Variants in CEACAM5 observed in about 807,000 individuals in gnomAD.
CEACAM5 encodes cell adhesion molecule CEACAM5.
Under a neutral mutation model 63.0 loss-of-function variants are expected in CEACAM5, and 52 were observed. The ratio of observed to expected loss-of-function variants is 0.83; its 90% confidence interval spans 0.66 to 1.04. The LOEUF (loss-of-function observed/expected upper bound fraction) is 1.04. Among genes scored for constraint, CEACAM5 ranks in the 50% least tolerant of loss-of-function variants. The pLI, the probability that CEACAM5 is intolerant of heterozygous loss-of-function variation, is 0.00. For missense variants in CEACAM5, 790 were observed against 864.8 expected (o/e 0.91, Z 1.08); for synonymous variants, 357 against 351.3 (o/e 1.02, Z -0.18).
chr19:41,715,628 G>C (rs1250238419), intron 3 of CEACAM5, 22 bp from the exon 4 acceptor site: 1 of 1,613,554 alleles, frequency 6.2e-7, no homozygotes, highest in Non-Finnish European at 8.5e-7. Flanking sequence ...TATCACCTGT[G>C]GCTTTATTTT....
At position 41,717,444 on chromosome 19, in the gene CEACAM5, T is replaced by C; in HGVS notation, c.959-11T>C. The C allele has an allele frequency of 6.2e-7, 1 of 1,609,434 alleles. No individual in the cohort carries two copies. The highest frequency in any genetic ancestry group is 1.1e-5 in the South Asian group (1 of 90,370). ...CCACACAGGGCAATCTTCTCTCTGT[T>C]ATCTGCACAGCAGAGCCACCCAAAC... On this transcript the variant is annotated splice_polypyrimidine_tract_variant and intron_variant, in intron 4 of 9. Transcript: ENST00000221992.
intron 3 of CEACAM5, 152 bp from the exon 4 acceptor site, chr19:41,715,498 T>G: frequency 8.4e-7 from 1 of 1,187,166 alleles, no homozygotes; most frequent in Non-Finnish European, 1.2e-6. Context: ...CAGGTGAATA[T>G]CTCAGACTCA....
At chr19:41,709,278 A>C (rs1251597518) in intron 1 of CEACAM5, among the ~76,000 whole-genome samples, 1 of 152,154 alleles carries the variant, frequency 6.6e-6, no homozygotes, top group Non-Finnish European at 1.5e-5. Context: ...ACATACAAAG[A>C]GATCTAGAAT....
intron 8 of CEACAM5, among the ~76,000 whole-genome samples, chr19:41,722,903 G>T (rs1188896651): frequency 6.6e-6 from 1 of 151,582 alleles, no homozygotes; most frequent in Non-Finnish European, 1.5e-5. Flanking sequence ...TTGTTTGTTT[G>T]TTTGTTTGTT....
chr19:41,725,410 G>A (rs1184928076), intron 8 of CEACAM5, among the ~76,000 whole-genome samples: 2 of 148,740 alleles, frequency 1.3e-5, no homozygotes, highest in Non-Finnish European at 3.0e-5. Flanking sequence ...CTGTAGCCCA[G>A]CACAAGCTAG....
At chr19:41,711,572 C>G (rs563473806) in intron 2 of CEACAM5, among the ~76,000 whole-genome samples, 1 of 152,158 alleles carries the variant, frequency 6.6e-6, no homozygotes, top group South Asian at 2.1e-4. Context: ...GAAAGCCACC[C>G]TATCTCATGT....
intron 8 of CEACAM5, among the ~76,000 whole-genome samples, chr19:41,723,080 T>A (rs1326075369): frequency 3.3e-5 from 5 of 152,056 alleles, no homozygotes; most frequent in African/African-American, 4.8e-5. Context: ...GCTAATTTTT[T>A]TTTTTTTATT....
chr19:41,720,876 C>G, intron 7 of CEACAM5, 46 bp from the exon 8 acceptor site: 1 of 1,606,022 alleles, frequency 6.2e-7, no homozygotes. Context: ...GGAGCTTCCC[C>G]TTTCCTCTGA....
At chr19:41,716,392 C>G (rs1164901034) in intron 4 of CEACAM5, among the ~76,000 whole-genome samples, 2 of 152,348 alleles carry the variant, frequency 1.3e-5, no homozygotes, top group South Asian at 4.1e-4. Flanking sequence ...TCTGGGCTCC[C>G]CTGGGTGACT....
At chr19:41,723,946 CAAAAAA>C (rs35830094) in intron 8 of CEACAM5, among the ~76,000 whole-genome samples, 48 of 103,868 alleles carry the variant, frequency 4.6e-4, no homozygotes, top group Non-Finnish European at 8.7e-4. Context: ...GAGACTCTGT[CAAAAAA>C]AAAAAAAAAA....
chr19:41,720,090 T>C lies in CEACAM5; in HGVS notation c.1653T>C (p.Asn551=). The change falls in exon 7 of 10, where the codon AAT becomes AAC. Residue 551 remains asparagine (N), a synonymous_variant. Coordinates refer to ENST00000221992, the MANE Select transcript of CEACAM5 (RefSeq NM_004363.6). ...LPVSPRLQLS[N]GNRTLTLFNV... ...TCAGTCCCAGGCTGCAGCTGTCCAA[T>C]GGCAACAGGACCCTCACTCTATTCA... 2 of 1,614,216 alleles carry C rather than the reference T, an allele frequency of 1.2e-6. No individual in the cohort carries two copies. The highest frequency in any genetic ancestry group is 1.7e-6 in the Non-Finnish European group (2 of 1,180,032).
Position 41,715,213 on chromosome 19 carries a change from G to A in CEACAM5, c.667G>A (p.Ala223Thr), listed in dbSNP as rs782583835. 4 of 1,614,234 alleles carry A rather than the reference G, an allele frequency of 2.5e-6. No individual in the cohort carries two copies. Among genetic ancestry groups the A allele is most frequent in the Non-Finnish European group, 3.4e-6 (4 of 1,180,046 alleles). ...YKCETQNPVS[A>T]RRSDSVILNV... ...ATGTGAAACCCAGAACCCAGTGAGT[G>A]CCAGGCGCAGTGATTCAGTCATCCT... Residue 223 changes from alanine (A) to threonine (T), a missense_variant, in exon 3 of 10, where the codon GCC becomes ACC. Coordinates refer to ENST00000221992, the MANE Select transcript of CEACAM5 (RefSeq NM_004363.6).
intron 5 of CEACAM5, 22 bp from the exon 6 acceptor site, chr19:41,718,106 G>T (rs1470874547): frequency 1.9e-6 from 3 of 1,613,116 alleles, no homozygotes; most frequent in African/African-American, 1.3e-5. Context: ...ATTCACCTGT[G>T]GCCCTATTCT....
At chr19:41,718,464 T>A (rs1309080093) in intron 6 of CEACAM5, 82 bp downstream of exon 6, 1 of 1,511,758 alleles carries the variant, frequency 6.6e-7, no homozygotes, top group Non-Finnish European at 9.0e-7. Context: ...GAAGAAATTT[T>A]CTTTCCTAGT....
In CEACAM5 at chr19:41,715,134, C is replaced by T. The variant is rs1440582379; in HGVS notation, c.588C>T (p.Gly196=). The T allele has an allele frequency of 1.3e-5, 21 of 1,614,088 alleles. No individual in the cohort carries two copies. Among genetic ancestry groups the T allele is most frequent in the Non-Finnish European group, 1.7e-5 (20 of 1,180,050 alleles). Residue 196 remains glycine, a synonymous_variant, in exon 3 of 10, where the codon GGC becomes GGT. Transcript: ENST00000221992. Reference sequence around the variant, plus strand: ...GTCCCAGGCTGCAGCTGTCCAATGGCAACAGGACCCTCACTCTATTCAATG... The same window carrying T: ...GTCCCAGGCTGCAGCTGTCCAATGGTAACAGGACCCTCACTCTATTCAATG... ...PVSPRLQLSN[G]NRTLTLFNVT... is the part of the protein sequence containing the mutation.
In CEACAM5 at chr19:41,730,186, C is replaced by G. The variant is rs1009711644; in HGVS notation, c.*1039C>G. 6.6e-6 allele frequency among the ~76,000 whole-genome samples: 1 copy of G among 152,020 alleles called. No individual in the cohort carries two copies. The highest frequency in any genetic ancestry group is 2.4e-5 in the African/African-American group (1 of 41,376). ...CTGTAATCCCAGCACTTTGATCCGCCGAGGCGGGCGGATCACGAGGTCAGG... is the reference window on the plus strand; with the variant it reads ...CTGTAATCCCAGCACTTTGATCCGCGGAGGCGGGCGGATCACGAGGTCAGG... On this transcript the variant is annotated 3_prime_UTR_variant, in exon 10 of 10. Transcript: ENST00000221992.
chr19:41,713,208 G>A (rs2072464456), intron 2 of CEACAM5, among the ~76,000 whole-genome samples: 1 of 152,162 alleles, frequency 6.6e-6, no homozygotes, highest in South Asian at 2.1e-4. Context: ...TGGAGGCTGA[G>A]GCAGGAGAAT....
Position 41,730,290 on chromosome 19 carries a change from T to G in CEACAM5, c.*1143T>G, listed in dbSNP as rs1042504750. On this transcript the variant is annotated 3_prime_UTR_variant, in exon 10 of 10. Transcript: ENST00000221992. The stretch of plus-strand genomic sequence containing the variant: ...AAAAAAAGTTAGCCGGGCGTGGTGG[T>G]GGGGGCCTGTAGTCCCAGCTACTCA... 2.6e-5 allele frequency among the ~76,000 whole-genome samples: 4 copies of G among 151,610 alleles called. No homozygotes were observed. The highest frequency in any genetic ancestry group is 1.3e-4 in the Admixed American group (2 of 15,224).
chr19:41,727,267 C>A lies in CEACAM5; in HGVS notation c.2060C>A (p.Ala687Asp), dbSNP rs782629273. 1 of 1,613,908 alleles carries A rather than the reference C, an allele frequency of 6.2e-7. No individual in the cohort carries two copies. The highest frequency in any genetic ancestry group is 8.5e-7 in the Non-Finnish European group (1 of 1,179,912). ...SGTSPGLSAG[A>D]TVGIMIGVLV... ...ACTTCTCCTGGTCTCTCAGCTGGGG[C>A]CACTGTCGGCATCATGATTGGAGTG... Residue 687 changes from alanine (A) to aspartate (D), a missense_variant, in exon 9 of 10, where the codon GCC becomes GAC. Transcript: ENST00000221992.
Sources: gnomAD v4.1 joint callset for allele counts (sites outside exome capture counted in the v4.1 genomes callset) on GRCh38, gnomAD v4.1.1 for gene constraint, MANE v1.5 for transcripts, NCBI Gene and HGNC (gene_info 2026-07-23, HGNC 2026-07-21) for gene names.